NRG3: variants seen among roughly 807,000 people sequenced by gnomAD.
NRG3 encodes pro-neuregulin-3, membrane-bound isoform.
NRG3 carries 31 observed loss-of-function variants against 66.9 expected under a neutral mutation model. The observed-to-expected ratio is 0.46, with a 90% CI of 0.35 to 0.63. The LOEUF is 0.63. NRG3 is among the 20% of genes least tolerant of loss of function. The pLI is 0.00. For synonymous variants in NRG3, 393 were observed against 359.4 expected (o/e 1.09, Z -1.06); for missense variants, 910 against 878.9 (o/e 1.04, Z -0.45).
chr10:81,964,793 A>G (rs1233186216), intron 1 of NRG3, among the ~76,000 whole-genome samples: 1 of 152,122 alleles, frequency 6.6e-6, no homozygotes, highest in African/African-American at 2.4e-5. Flanking sequence ...AGAAACAGAT[A>G]TATCCAGTTG....
intron 1 of NRG3, among the ~76,000 whole-genome samples, chr10:81,890,563 A>G (rs1842933949): frequency 6.6e-6 from 1 of 152,224 alleles, no homozygotes; most frequent in Admixed American, 6.5e-5. Flanking sequence ...AAAAATAAAT[A>G]CATAGTGAAC....
chr10:82,596,096 G>A (rs2047258877), intron 2 of NRG3, among the ~76,000 whole-genome samples: 1 of 152,172 alleles, frequency 6.6e-6, no homozygotes, highest in South Asian at 2.1e-4. Flanking sequence ...AATACATGTG[G>A]CATCCCATTT....
rs868457754 is a variant in NRG3 at position 82,711,566 on chromosome 10, T to A, written c.954-27011T>A. Among the ~76,000 whole-genome samples, 595 of 142,800 alleles carry A rather than the reference T, an allele frequency of 4.2e-3. 4 individuals are homozygous for A. The highest frequency in any genetic ancestry group is 0.015 in the African/African-American group (564 of 37,892). 93.7% of individuals were successfully genotyped at this position (142,800 alleles called of 152,430 possible). A position where few individuals can be genotyped will look rare whatever the true frequency, so the allele number is the denominator to read the frequency against. ...GTGTGTGTGTGTGTGTGTGTGTGTG[T>A]GTGAGATGGTGCATAATTTAATTAT... is the stretch of plus-strand genomic sequence containing the variant. On this transcript the variant is annotated intron_variant, in intron 2 of 8. Transcript: ENST00000372141.
chr10:82,441,525 A>C (rs1216405645), intron 2 of NRG3, among the ~76,000 whole-genome samples: 1 of 152,158 alleles, frequency 6.6e-6, no homozygotes, highest in Non-Finnish European at 1.5e-5. Context: ...AGTTGTATAA[A>C]TATCAGTACT....
chr10:82,867,630 C>A (rs2135962388), intron 4 of NRG3, among the ~76,000 whole-genome samples: 1 of 152,184 alleles, frequency 6.6e-6, no homozygotes, highest in Non-Finnish European at 1.5e-5. Flanking sequence ...GAAAATGAGA[C>A]TTTTCAGGCA....
intron 2 of NRG3, among the ~76,000 whole-genome samples, chr10:82,685,055 T>G (rs373822884): frequency 6.6e-6 from 1 of 151,984 alleles, no homozygotes; most frequent in South Asian, 2.1e-4. Context: ...AAGAAGGCCT[T>G]AGTTTTGAAT....
At chr10:82,089,208 A>G (rs1335182918) in intron 1 of NRG3, among the ~76,000 whole-genome samples, 2 of 152,192 alleles carry the variant, frequency 1.3e-5, no homozygotes, top group East Asian at 3.8e-4. Flanking sequence ...TGTTATTGAA[A>G]TGCTAATTTA....
intron 1 of NRG3, among the ~76,000 whole-genome samples, chr10:82,266,388 G>A (rs887163032): frequency 9.2e-5 from 14 of 152,046 alleles, no homozygotes; most frequent in African/African-American, 3.4e-4. Flanking sequence ...GTAATATGGG[G>A]GCTACAGCGT....
intron 2 of NRG3, among the ~76,000 whole-genome samples, chr10:82,545,489 C>T (rs144522365): frequency 1.3e-5 from 2 of 151,224 alleles, no homozygotes; most frequent in Non-Finnish European, 2.9e-5. Flanking sequence ...CGCCATTCTC[C>T]GGCCTCAGCC....
At chr10:82,733,000 C>G (rs533731673) in intron 2 of NRG3, among the ~76,000 whole-genome samples, 40 of 152,234 alleles carry the variant, frequency 2.6e-4, no homozygotes, top group African/African-American at 9.4e-4. Context: ...TCCTGTAACA[C>G]CAAAGAGTAA....
intron 3 of NRG3, among the ~76,000 whole-genome samples, chr10:82,777,323 G>A (rs1320947271): frequency 6.6e-6 from 1 of 152,118 alleles, no homozygotes; most frequent in African/African-American, 2.4e-5. Context: ...CCACAGTAGA[G>A]AGACTCAGCT....
At chr10:82,482,741 A>C (rs1327996556) in intron 2 of NRG3, among the ~76,000 whole-genome samples, 1 of 152,214 alleles carries the variant, frequency 6.6e-6, no homozygotes, top group Non-Finnish European at 1.5e-5. Flanking sequence ...TTTAGGAAGC[A>C]CAGGGATAGT....
intron 1 of NRG3, among the ~76,000 whole-genome samples, chr10:82,046,994 C>T (rs549663424): frequency 7.3e-6 from 1 of 137,260 alleles, no homozygotes; most frequent in African/African-American, 2.5e-5. Context: ...AGGATTTTTG[C>T]ATCAATGTTC....
intron 3 of NRG3, among the ~76,000 whole-genome samples, chr10:82,817,249 G>A (rs530801135): frequency 6.0e-4 from 91 of 152,250 alleles, no homozygotes; most frequent in African/African-American, 1.9e-3. Flanking sequence ...GGACCTCAAT[G>A]AATCTCTCAA....
At chr10:82,562,136 T>C (rs1470051482) in intron 2 of NRG3, among the ~76,000 whole-genome samples, 1 of 152,234 alleles carries the variant, frequency 6.6e-6, no homozygotes, top group African/African-American at 2.4e-5. Context: ...ATCTGAAATA[T>C]TACGGTGCTA....
intron 2 of NRG3, among the ~76,000 whole-genome samples, chr10:82,618,214 C>G (rs1346977544): frequency 1.3e-5 from 2 of 152,274 alleles, no homozygotes; most frequent in Non-Finnish European, 1.5e-5. Context: ...TCATTTCTAG[C>G]CAGCCAGCCG....
At chr10:82,597,784 G>A (rs187265337) in intron 2 of NRG3, among the ~76,000 whole-genome samples, 1 of 152,162 alleles carries the variant, frequency 6.6e-6, no homozygotes, top group African/African-American at 2.4e-5. Context: ...AGCTGGGCAT[G>A]GTGGCATGTG....
intron 2 of NRG3, among the ~76,000 whole-genome samples, chr10:82,544,567 T>C (rs1361474489): frequency 6.6e-6 from 1 of 152,176 alleles, no homozygotes; most frequent in Admixed American, 6.5e-5. Flanking sequence ...TTCTCACTTG[T>C]CCTCTTCTTT....
intron 1 of NRG3, among the ~76,000 whole-genome samples, chr10:81,986,516 A>G (rs1379879679): frequency 2.0e-5 from 3 of 152,198 alleles, no homozygotes; most frequent in African/African-American, 7.2e-5. Flanking sequence ...TGAAAAATCC[A>G]GTGAAAATGA....
Sources: gnomAD v4.1 joint callset for allele counts (sites outside exome capture counted in the v4.1 genomes callset) on GRCh38, gnomAD v4.1.1 for gene constraint, MANE v1.5 for transcripts, NCBI Gene and HGNC (gene_info 2026-07-23, HGNC 2026-07-21) for gene names.